Variants in CCDC192 observed in about 807,000 individuals in gnomAD.
CCDC192 encodes coiled-coil domain-containing protein 192.
At chr5:127,790,701 T>C (rs889240990) in intron 3 of CCDC192, among the ~76,000 whole-genome samples, 24 of 152,180 alleles carry the variant, frequency 1.6e-4, no homozygotes, top group African/African-American at 5.6e-4. Context: ...AGTGAAAACA[T>C]ATTAGGCATT....
chr5:127,721,489 C>T (rs1580531020), intron 2 of CCDC192, among the ~76,000 whole-genome samples: 1 of 152,304 alleles, frequency 6.6e-6, no homozygotes, highest in Non-Finnish European at 1.5e-5. Context: ...TTGGTCACAA[C>T]CATTCAAGAA....
intron 2 of CCDC192, among the ~76,000 whole-genome samples, chr5:127,749,778 C>T (rs1442653117): frequency 3.3e-5 from 5 of 152,150 alleles, no homozygotes; most frequent in Admixed American, 3.3e-4. Flanking sequence ...TTGATTATTG[C>T]CACAATTTGA....
intron 1 of CCDC192, among the ~76,000 whole-genome samples, chr5:127,705,083 C>A (rs1750889749): frequency 6.6e-6 from 1 of 152,106 alleles, no homozygotes; most frequent in Admixed American, 6.6e-5. Context: ...TTCCAGTGAA[C>A]CCTGAAGTAA....
intron 6 of CCDC192, among the ~76,000 whole-genome samples, chr5:127,893,319 A>G (rs1752783956): frequency 6.6e-6 from 1 of 152,184 alleles, no homozygotes; most frequent in African/African-American, 2.4e-5. Context: ...CAACTTTAAT[A>G]TGAGAATCAA....
intron 6 of CCDC192, among the ~76,000 whole-genome samples, chr5:127,911,699 C>CT (rs10718531): frequency 0.027 from 3,177 of 117,296 alleles, 57 homozygotes; most frequent in Middle Eastern, 0.038. Context: ...CCTTATACCA[C>CT]TTTTTTTTTT....
chr5:127,898,432 G>T (rs1752953388), intron 6 of CCDC192, among the ~76,000 whole-genome samples: 1 of 152,130 alleles, frequency 6.6e-6, no homozygotes, highest in Admixed American at 6.6e-5. Flanking sequence ...ATAGAGGAGA[G>T]GAGCTGGTTT....
intron 5 of CCDC192, among the ~76,000 whole-genome samples, chr5:127,850,123 C>A (rs2539714): frequency 6.6e-5 from 10 of 152,152 alleles, no homozygotes; most frequent in African/African-American, 1.2e-4. Context: ...CTGAATCTGT[C>A]GCTTCTTTGC....
intron 6 of CCDC192, among the ~76,000 whole-genome samples, chr5:127,893,867 C>T (rs1414463269): frequency 6.6e-6 from 1 of 151,846 alleles, no homozygotes; most frequent in African/African-American, 2.4e-5. Context: ...ATTTTTCTAA[C>T]ATTTAAGACA....
At chr5:127,750,894 T>C (rs993683509) in intron 2 of CCDC192, among the ~76,000 whole-genome samples, 5 of 150,918 alleles carry the variant, frequency 3.3e-5, no homozygotes, top group African/African-American at 4.9e-5. Flanking sequence ...CTTTTGATCT[T>C]TGTTGGTTTA....
intron 2 of CCDC192, among the ~76,000 whole-genome samples, chr5:127,746,249 A>G (rs1038578389): frequency 6.6e-6 from 1 of 152,206 alleles, no homozygotes; most frequent in African/African-American, 2.4e-5. Flanking sequence ...TGTCTGTATG[A>G]AAAGTCCTAT....
At chr5:127,733,935 T>A (rs1027799460) in intron 2 of CCDC192, among the ~76,000 whole-genome samples, 4 of 150,624 alleles carry the variant, frequency 2.7e-5, no homozygotes, top group South Asian at 2.1e-4. Context: ...ATATATATTT[T>A]TTTATTATAC....
intron 2 of CCDC192, among the ~76,000 whole-genome samples, chr5:127,719,464 TACAG>T (rs1414310475): frequency 9.0e-6 from 1 of 110,588 alleles, no homozygotes. Flanking sequence ...TACATATATA[TACAG>T]ACACATACAT....
At chr5:127,932,146 T>C (rs1580840710) in intron 6 of CCDC192, among the ~76,000 whole-genome samples, 1 of 136,912 alleles carries the variant, frequency 7.3e-6, no homozygotes, top group Admixed American at 7.6e-5. Context: ...AGAGTGAGAC[T>C]CCGTCTCAAA....
intron 3 of CCDC192, 97 bp downstream of exon 3, chr5:127,754,472 TACACACACAC>T (rs368830307): frequency 1.2e-5 from 4 of 327,122 alleles, no homozygotes; most frequent in African/African-American, 6.6e-5. Flanking sequence ...CCTCTACTGA[TACACACACAC>T]ACACACACAC....
At chr5:127,814,125 G>A (rs1371762975) in intron 5 of CCDC192, among the ~76,000 whole-genome samples, 1 of 152,120 alleles carries the variant, frequency 6.6e-6, no homozygotes, top group Admixed American at 6.5e-5. Context: ...GAGGTTTGGA[G>A]GGTCAAACAG....
intron 6 of CCDC192, among the ~76,000 whole-genome samples, chr5:127,934,425 C>T (rs950871201): frequency 7.2e-5 from 11 of 152,140 alleles, no homozygotes; most frequent in Admixed American, 5.9e-4. Context: ...CAATTGTATT[C>T]TTATAATGCT....
chr5:127,826,224 A>G (rs769341122), intron 5 of CCDC192, among the ~76,000 whole-genome samples: 9 of 152,228 alleles, frequency 5.9e-5, no homozygotes, highest in Non-Finnish European at 1.2e-4. Flanking sequence ...AATTAAAACC[A>G]CAGTGAGATA....
chr5:127,888,309 A>G (rs245174), intron 6 of CCDC192, among the ~76,000 whole-genome samples: 99,740 of 151,532 alleles, frequency 0.66, 32,822 homozygotes, highest in Non-Finnish European at 0.68. Flanking sequence ...CCAGCTACTC[A>G]GGAGGCTGAG....
intron 5 of CCDC192, among the ~76,000 whole-genome samples, chr5:127,836,346 G>T (rs1456314532): frequency 6.6e-6 from 1 of 152,172 alleles, no homozygotes; most frequent in Non-Finnish European, 1.5e-5. Flanking sequence ...GCTTTCATAG[G>T]CTGGCCTTGA....
Sources: allele counts gnomAD v4.1 joint callset (sites outside exome capture counted in the v4.1 genomes callset), GRCh38; gene constraint gnomAD v4.1.1; transcripts MANE v1.5; gene names NCBI Gene and HGNC (gene_info 2026-07-23, HGNC 2026-07-21).